The following SEMA6D variants were observed in gnomAD, a reference collection of about 807,000 sequenced individuals.
SEMA6D encodes the protein semaphorin-6D.
A neutral mutation model predicts 106.6 loss-of-function variants in SEMA6D; 35 were observed. The ratio of observed to expected loss-of-function variants is 0.33; its 90% CI spans 0.25 to 0.44. The LOEUF is 0.44. Among genes scored for constraint, SEMA6D ranks in the 20% least tolerant of loss-of-function variants. The probability of loss-of-function intolerance (pLI) is 1.00; values close to 1 mark genes in which losing one functional copy is unlikely to be tolerated. For missense variants in SEMA6D, 1,185 were observed against 1,345.9 expected (o/e 0.88, Z 1.87); for synonymous variants, 499 against 487.7 (o/e 1.02, Z -0.31).
intron 1 of SEMA6D, among the ~76,000 whole-genome samples, chr15:47,367,716 A>G (rs1044533321): frequency 2.1e-5 from 3 of 146,246 alleles, no homozygotes; most frequent in Admixed American, 6.7e-5. Flanking sequence ...ACACACACAC[A>G]CACACACACA....
rs775468451 is a variant in SEMA6D at position 47,765,919 on chromosome 15, A to G, written c.1478A>G (p.Asp493Gly). The G allele has an allele frequency of 6.4e-7, 1 of 1,565,232 alleles. No homozygotes were observed. The highest frequency in any genetic ancestry group is 8.6e-7 in the Non-Finnish European group (1 of 1,157,994). Residue 493 changes from aspartate (D) to glycine (G), a missense_variant, in exon 14 of 19, where the codon GAT (aspartate) becomes GGT (glycine). Physicochemically the swap from Asp to Gly is moderately conservative, Grantham distance 94. Transcript: ENST00000536845. ...AAAAAGGTCATCTCATTACAGTTGG[A>G]TAAAGATCACCACGCTTTATATGTG... is the stretch of plus-strand genomic sequence containing the variant. ...EDKKVISLQL[D>G]KDHHALYVAF...
intron 4 of SEMA6D, among the ~76,000 whole-genome samples, chr15:47,631,647 A>G (rs1369854448): frequency 1.3e-5 from 2 of 151,894 alleles, no homozygotes; most frequent in African/African-American, 4.8e-5. Flanking sequence ...GAAGCAAGAC[A>G]CTAAACTGCT....
intron 1 of SEMA6D, among the ~76,000 whole-genome samples, chr15:47,196,687 A>G (rs980104069): frequency 6.6e-6 from 1 of 152,206 alleles, no homozygotes; most frequent in Non-Finnish European, 1.5e-5. Context: ...GTCTTAATTT[A>G]AATCAGCGCT....
chr15:47,435,784 G>C (rs2041682034), intron 2 of SEMA6D, among the ~76,000 whole-genome samples: 1 of 151,996 alleles, frequency 6.6e-6, no homozygotes, highest in African/African-American at 2.4e-5. Flanking sequence ...GGGCCACTAA[G>C]ACCCTATAGT....
chr15:47,316,961 G>A (rs142449860), intron 1 of SEMA6D, among the ~76,000 whole-genome samples: 152 of 152,318 alleles, frequency 1.0e-3, no homozygotes, highest in African/African-American at 3.5e-3. Context: ...TCTGCTCTAA[G>A]TTTTGAAAGA....
chr15:47,451,100 A>C (rs975186562), intron 2 of SEMA6D, among the ~76,000 whole-genome samples: 1 of 152,130 alleles, frequency 6.6e-6, no homozygotes, highest in African/African-American at 2.4e-5. Flanking sequence ...AAAAGCAGTG[A>C]TGCAGAGGCT....
chr15:47,407,107 G>A (rs1305312884), intron 1 of SEMA6D, among the ~76,000 whole-genome samples: 1 of 152,064 alleles, frequency 6.6e-6, no homozygotes, highest in Non-Finnish European at 1.5e-5. Context: ...GCTCATGCCT[G>A]TAATCCCAGG....
chr15:47,289,317 C>G (rs759033306), intron 1 of SEMA6D, among the ~76,000 whole-genome samples: 1 of 145,278 alleles, frequency 6.9e-6, no homozygotes, highest in Middle Eastern at 3.9e-3. Flanking sequence ...TCGCTCGAAC[C>G]TAGGAGGCGG....
chr15:47,221,427 C>A (rs2031197074), intron 1 of SEMA6D, among the ~76,000 whole-genome samples: 2 of 152,264 alleles, frequency 1.3e-5, no homozygotes, highest in African/African-American at 4.8e-5. Context: ...TTTCATTAAC[C>A]CTGCGGGCAC....
chr15:47,357,525 A>C (rs1032736831), intron 1 of SEMA6D, among the ~76,000 whole-genome samples: 2 of 152,268 alleles, frequency 1.3e-5, no homozygotes, highest in African/African-American at 4.8e-5. Context: ...AGCCAGTCTG[A>C]GTTCCAAAAC....
chr15:47,482,082 T>TG (rs1202031120), intron 3 of SEMA6D, among the ~76,000 whole-genome samples: 2 of 151,960 alleles, frequency 1.3e-5, no homozygotes, highest in Non-Finnish European at 2.9e-5. Context: ...GGATTCTGAG[T>TG]GGGGAAAACA....
chr15:47,282,590 A>G (rs1166365226), intron 1 of SEMA6D, among the ~76,000 whole-genome samples: 1 of 152,130 alleles, frequency 6.6e-6, no homozygotes, highest in South Asian at 2.1e-4. Flanking sequence ...GAGAGTATGC[A>G]TATATTCAGT....
chr15:47,438,824 G>T (rs1027349132), intron 2 of SEMA6D, among the ~76,000 whole-genome samples: 1 of 151,870 alleles, frequency 6.6e-6, no homozygotes, highest in Non-Finnish European at 1.5e-5. Context: ...CTCCATGCGG[G>T]AGAGAGGTTT....
intron 1 of SEMA6D, among the ~76,000 whole-genome samples, chr15:47,722,523 T>C (rs1453620907): frequency 1.3e-5 from 2 of 152,212 alleles, no homozygotes; most frequent in Non-Finnish European, 2.9e-5. Flanking sequence ...CATTGCTTGT[T>C]AAAGCAAGAA....
At chr15:47,307,210 G>A (rs1030155372) in intron 1 of SEMA6D, among the ~76,000 whole-genome samples, 4 of 152,138 alleles carry the variant, frequency 2.6e-5, no homozygotes, top group Admixed American at 1.3e-4. Flanking sequence ...TCAATAAAAT[G>A]TTATCTGTTA....
At chr15:47,539,383 A>G (rs545479364) in intron 3 of SEMA6D, among the ~76,000 whole-genome samples, 1 of 150,638 alleles carries the variant, frequency 6.6e-6, no homozygotes, top group Non-Finnish European at 1.5e-5. Context: ...GACGAAGGTC[A>G]TTTGCCGTAT....
intron 2 of SEMA6D, among the ~76,000 whole-genome samples, chr15:47,461,526 T>A (rs2042509524): frequency 6.6e-6 from 1 of 152,056 alleles, no homozygotes; most frequent in African/African-American, 2.4e-5. Flanking sequence ...AGAGTTAAAT[T>A]TCATGGTTAT....
intron 1 of SEMA6D, among the ~76,000 whole-genome samples, chr15:47,382,009 A>G (rs2039654971): frequency 6.6e-6 from 1 of 152,120 alleles, no homozygotes; most frequent in South Asian, 2.1e-4. Flanking sequence ...AAATGTTCTG[A>G]GGTTATTTTG....
At chr15:47,509,760 G>A (rs757250784) in intron 3 of SEMA6D, among the ~76,000 whole-genome samples, 2 of 152,172 alleles carry the variant, frequency 1.3e-5, no homozygotes, top group African/African-American at 2.4e-5. Flanking sequence ...GGTTCTCAAA[G>A]TATTGCCCCT....
Sources: gnomAD v4.1 joint callset for allele counts (sites outside exome capture counted in the v4.1 genomes callset) on GRCh38, gnomAD v4.1.1 for gene constraint, MANE v1.5 for transcripts, NCBI Gene and HGNC (gene_info 2026-07-23, HGNC 2026-07-21) for gene names.